ADAMTSL1: variants seen among roughly 807,000 people sequenced by gnomAD.
The protein encoded by ADAMTSL1 is ADAMTS like 1, also known as ADAMTS-like protein 1.
ADAMTSL1 carries 126 observed loss-of-function variants against 201.8 expected under a neutral mutation model. The observed-to-expected ratio is 0.62, with a 90% confidence interval of 0.54 to 0.72. The LOEUF (loss-of-function observed/expected upper bound fraction) is 0.72. Ranked by LOEUF, ADAMTSL1 falls within the 30% of genes least tolerant of loss-of-function variation. ADAMTSL1 has a pLI of 0.00. For missense variants in ADAMTSL1, 2,679 were observed against 2,277.8 expected (o/e 1.18, Z -3.59); for synonymous variants, 1,121 against 903.4 (o/e 1.24, Z -4.32).
At chr9:18,583,910 CA>C (rs1236832998) in intron 4 of ADAMTSL1, among the ~76,000 whole-genome samples, 1 of 152,190 alleles carries the variant, frequency 6.6e-6, no homozygotes, top group African/African-American at 2.4e-5. Context: ...CCTGTATCCC[CA>C]TTGTGTCCGG....
intron 23 of ADAMTSL1, among the ~76,000 whole-genome samples, chr9:18,868,809 G>A (rs987084049): frequency 7.9e-5 from 12 of 152,114 alleles, no homozygotes; most frequent in Admixed American, 5.9e-4. Context: ...AGTTGCCTCC[G>A]CCTCTTCAAA....
At position 18,819,187 on chromosome 9, in the gene ADAMTSL1, G is replaced by T. The variant is rs1824050386; in HGVS notation, c.3934+1950G>T. Among the ~76,000 whole-genome samples the T allele has an allele frequency of 2.0e-5, 3 of 152,178 alleles. No homozygotes were observed. In the South Asian group the frequency reaches 6.2e-4, roughly 32 times the overall value. ...GAATAGGGGAGGGGCCAGGCATGGG[G>T]ACTCACACCTGTAATCACAGCACTT... On this transcript the variant is annotated intron_variant, in intron 21 of 28. Coordinates refer to ENST00000380548, the MANE Select transcript of ADAMTSL1 (RefSeq NM_001040272.6).
chr9:18,055,861 A>C (rs1475906070), intron 1 of ADAMTSL1, among the ~76,000 whole-genome samples: 1 of 152,258 alleles, frequency 6.6e-6, no homozygotes, highest in Non-Finnish European at 1.5e-5. Context: ...AATATTCAAA[A>C]TATGGGCTTG....
rs1832331391 is a variant in ADAMTSL1 at position 18,708,040 on chromosome 9, C to A, written c.1876+992C>A. On this transcript the variant is annotated intron_variant, in intron 14 of 28. Coordinates refer to ENST00000380548, the MANE Select transcript of ADAMTSL1 (RefSeq NM_001040272.6). Reference sequence around the variant, plus strand: ...AGCTGATTTCTTGCCAGATCTTTCCCTGGCTATTAGTAACCCCTTTGAGCA... The same window carrying A: ...AGCTGATTTCTTGCCAGATCTTTCCATGGCTATTAGTAACCCCTTTGAGCA... Among the ~76,000 whole-genome samples the A allele has an allele frequency of 2.0e-5, 3 of 152,360 alleles. No individual in the cohort carries two copies. The South Asian group carries it at 6.2e-4, about 32-fold the overall frequency.
chr9:18,412,805 A>G (rs1174304442), intron 2 of ADAMTSL1, among the ~76,000 whole-genome samples: 2 of 152,148 alleles, frequency 1.3e-5, no homozygotes, highest in Non-Finnish European at 2.9e-5. Flanking sequence ...GAACAACAAG[A>G]TGTTCCAGGC....
chr9:18,321,233 A>T (rs1293976870), intron 2 of ADAMTSL1, among the ~76,000 whole-genome samples: 1 of 152,188 alleles, frequency 6.6e-6, no homozygotes, highest in African/African-American at 2.4e-5. Flanking sequence ...TTGTAATAAT[A>T]AAAGAGTTAA....
chr9:18,705,353 C>G (rs1310073233), intron 13 of ADAMTSL1, among the ~76,000 whole-genome samples: 2 of 152,174 alleles, frequency 1.3e-5, no homozygotes, highest in Non-Finnish European at 1.5e-5. Flanking sequence ...CTGAATTACA[C>G]TAACTTTTTG....
At position 17,913,100 on chromosome 9, in the gene ADAMTSL1, C is replaced by T. The variant is rs567243506; in HGVS notation, c.87+6178C>T. Among the ~76,000 whole-genome samples the T allele has an allele frequency of 1.4e-4, 21 of 152,126 alleles. No homozygotes were observed. The South Asian group carries it at 3.1e-3, about 23-fold the overall frequency. On this transcript the variant is annotated intron_variant, in intron 1 of 29. Transcript: ENST00000680146. ...ACCATGCTGTTTTGGTTACTGTAGC[C>T]GTGTAGTATAGTTTGAAGTCAGGTA...
chr9:18,725,282 A>T (rs579517), intron 15 of ADAMTSL1, among the ~76,000 whole-genome samples: 41,025 of 152,126 alleles, frequency 0.27, 5,953 homozygotes, highest in Middle Eastern at 0.33. Context: ...AAGCTTTAAT[A>T]GAAAAGAGAG....
intron 23 of ADAMTSL1, among the ~76,000 whole-genome samples, chr9:18,836,961 A>T (rs1032494728): frequency 9.9e-5 from 15 of 152,196 alleles, no homozygotes; most frequent in African/African-American, 3.1e-4. Context: ...TTGATTCTGT[A>T]TCCTGAAACT....
intron 2 of ADAMTSL1, among the ~76,000 whole-genome samples, chr9:18,174,111 C>A (rs573007220): frequency 6.6e-6 from 1 of 152,044 alleles, no homozygotes; most frequent in African/African-American, 2.4e-5. Flanking sequence ...TATATTATAC[C>A]TCAGAAAACC....
chr9:18,717,709 C>T (rs1833039304), intron 14 of ADAMTSL1, among the ~76,000 whole-genome samples: 1 of 152,188 alleles, frequency 6.6e-6, no homozygotes. Context: ...AAGAATGTCT[C>T]TTAGCAGTAA....
chr9:17,950,306 C>G (rs1427330075), intron 1 of ADAMTSL1, among the ~76,000 whole-genome samples: 1 of 152,094 alleles, frequency 6.6e-6, no homozygotes, highest in South Asian at 2.1e-4. Flanking sequence ...CTAGAAAAAA[C>G]TTATATACCT....
intron 1 of ADAMTSL1, among the ~76,000 whole-genome samples, chr9:17,942,813 A>G (rs550744103): frequency 8.7e-4 from 133 of 152,250 alleles, no homozygotes; most frequent in Middle Eastern, 3.4e-3. Flanking sequence ...GTCTCAATAA[A>G]TATAGGATTT....
chr9:18,120,541 T>C (rs1761856366), intron 1 of ADAMTSL1, among the ~76,000 whole-genome samples: 1 of 152,196 alleles, frequency 6.6e-6, no homozygotes, highest in Non-Finnish European at 1.5e-5. Flanking sequence ...TAGGCTGTAG[T>C]CATAGAACAG....
chr9:18,773,410 A>G (rs897727192), intron 17 of ADAMTSL1, among the ~76,000 whole-genome samples: 4 of 152,200 alleles, frequency 2.6e-5, no homozygotes, highest in Admixed American at 6.5e-5. Context: ...AAAAAATTCT[A>G]AAAGAAAGAA....
chr9:18,234,200 G>A (rs1284736170), intron 2 of ADAMTSL1, among the ~76,000 whole-genome samples: 4 of 152,182 alleles, frequency 2.6e-5, no homozygotes, highest in African/African-American at 9.7e-5. Flanking sequence ...TGCCTCGGAG[G>A]ACTGGTGGTG....
chr9:18,112,028 G>T (rs937884641), intron 1 of ADAMTSL1, among the ~76,000 whole-genome samples: 1 of 152,144 alleles, frequency 6.6e-6, no homozygotes, highest in African/African-American at 2.4e-5. Context: ...GTGTTCCAGA[G>T]CACCAGGAAC....
chr9:18,366,835 T>C (rs902381284), intron 2 of ADAMTSL1, among the ~76,000 whole-genome samples: 5 of 152,070 alleles, frequency 3.3e-5, no homozygotes, highest in African/African-American at 1.2e-4. Flanking sequence ...CTCAAACTCC[T>C]GACCTCAGGT....
Sources: gnomAD v4.1 joint callset for allele counts (sites outside exome capture counted in the v4.1 genomes callset) on GRCh38, gnomAD v4.1.1 for gene constraint, MANE v1.5 for transcripts, NCBI Gene and HGNC (gene_info 2026-07-23, HGNC 2026-07-21) for gene names.